PIK3R3: variants seen among roughly 807,000 people sequenced by gnomAD.
PIK3R3 encodes phosphoinositide-3-kinase regulatory subunit 3.
A neutral mutation model predicts 62.9 loss-of-function variants in PIK3R3; 64 were observed. The ratio of observed to expected loss-of-function variants is 1.02; its 90% CI spans 0.83 to 1.25. The LOEUF (loss-of-function observed/expected upper bound fraction) is 1.25, where lower values mean the gene tolerates loss of function less well. Among genes scored for constraint, PIK3R3 ranks in the 50% most tolerant of loss-of-function variants. PIK3R3 has a pLI of 0.00. For synonymous variants in PIK3R3, 165 were observed against 189.0 expected, an observed-to-expected ratio of 0.87 and a Z score of 1.04; for missense variants, 614 against 561.6, an observed-to-expected ratio of 1.09 and a Z score of -0.94.
the PIK3R3 span, among the ~76,000 whole-genome samples, chr1:46,173,015 GAAAC>G: frequency 9.2e-5 from 14 of 152,058 alleles, no homozygotes; most frequent in South Asian, 4.2e-4. Flanking sequence ...AAAGAAAAAA[GAAAC>G]AAACAAACAA....
the PIK3R3 span, among the ~76,000 whole-genome samples, chr1:46,143,809 G>T: frequency 3.3e-5 from 5 of 152,072 alleles, no homozygotes. Context: ...ATTTTTATGT[G>T]TTGGGAACAT....
the PIK3R3 span, among the ~76,000 whole-genome samples, chr1:46,156,458 CAAA>C: frequency 6.7e-5 from 4 of 59,756 alleles, no homozygotes; most frequent in African/African-American, 5.1e-5. Flanking sequence ...GACTCTGTCT[CAAA>C]AAAAAAAAAA....
chr1:46,090,596 G>A (rs1352187592), intron 1 of PIK3R3, among the ~76,000 whole-genome samples: 1 of 151,878 alleles, frequency 6.6e-6, no homozygotes, highest in South Asian at 2.1e-4. Flanking sequence ...GCCTCCCAAA[G>A]TATTGGGATT....
At position 46,062,004 on chromosome 1, in the gene PIK3R3, C is replaced by T; in HGVS notation, c.689G>A (p.Cys230Tyr). The change falls in exon 6 of 10, where the codon TGT becomes TAT. Residue 230 changes from cysteine (C) to tyrosine (Y), a missense_variant. By Grantham distance (194) the Cys-to-Tyr change is radical. Transcript: ENST00000262741. ...TTTGCTATGTTGTTCTTGTGTGTGACACTGCTCTTCAAATATTTTAATTGT... is the reference window on the plus strand; with the variant it reads ...TTTGCTATGTTGTTCTTGTGTGTGATACTGCTCTTCAAATATTTTAATTGT... ...NETIKIFEEQ[C>Y]HTQEQHSKEY... The T allele has an allele frequency of 6.2e-7, 1 of 1,611,118 alleles. No homozygotes were observed. The highest frequency in any genetic ancestry group is 8.5e-7 in the Non-Finnish European group (1 of 1,177,402).
At chr1:46,139,000 A>T in the PIK3R3 span, 2 of 152,184 alleles carry the variant, frequency 1.3e-5, no homozygotes, top group Non-Finnish European at 2.9e-5. Context: ...TGAAATTCTA[A>T]ATTATGTCAT....
At chr1:46,102,178 G>T (rs1387889745) in intron 1 of PIK3R3, among the ~76,000 whole-genome samples, 2 of 151,482 alleles carry the variant, frequency 1.3e-5, no homozygotes, top group African/African-American at 4.8e-5. Flanking sequence ...GTAGAGACGG[G>T]GTTTCACCGT....
chr1:46,115,326 G>A (rs1654092486), intron 1 of PIK3R3, among the ~76,000 whole-genome samples: 1 of 152,058 alleles, frequency 6.6e-6, no homozygotes, highest in Non-Finnish European at 1.5e-5. Flanking sequence ...AATTTGAGTT[G>A]CATTTTCTGT....
intron 1 of PIK3R3, among the ~76,000 whole-genome samples, chr1:46,088,115 T>G (rs1651266326): frequency 6.6e-6 from 1 of 152,236 alleles, no homozygotes; most frequent in African/African-American, 2.4e-5. Context: ...CTGAGTGTGA[T>G]GGCTCATGCC....
chr1:46,141,494 C>T, the PIK3R3 span, among the ~76,000 whole-genome samples: 2 of 152,068 alleles, frequency 1.3e-5, no homozygotes, highest in African/African-American at 4.8e-5. Flanking sequence ...TGGTCTTGAA[C>T]TCCTGACCTC....
At chr1:46,056,675 G>A (rs975657097) in intron 6 of PIK3R3, 3 of 152,200 alleles carry the variant, frequency 2.0e-5, no homozygotes, top group Admixed American at 1.3e-4. Flanking sequence ...TTATGAATAT[G>A]CAGTTCTCAT....
chr1:46,067,185 T>C (rs1571398856), intron 3 of PIK3R3, 94 bp from the exon 4 acceptor site: 2 of 909,236 alleles, frequency 2.2e-6, no homozygotes, highest in South Asian at 3.7e-5. Context: ...TGGTGTCACA[T>C]GATAAACAAG....
At chr1:46,110,866 G>T (rs1282699837) in intron 1 of PIK3R3, among the ~76,000 whole-genome samples, 2 of 121,688 alleles carry the variant, frequency 1.6e-5, no homozygotes, top group Non-Finnish European at 3.5e-5. Context: ...AACAGAAAAA[G>T]TTGGTTTTTT....
intron 6 of PIK3R3, among the ~76,000 whole-genome samples, chr1:46,059,458 C>T (rs1648259121): frequency 6.6e-6 from 1 of 152,232 alleles, no homozygotes; most frequent in Admixed American, 6.5e-5. Flanking sequence ...TTTTGCTATA[C>T]TCTGAACCCT....
At position 46,040,428 on chromosome 1, in the gene PIK3R3, A is replaced by G. The variant is rs1394515266; in HGVS notation, c.*3245T>C. ...ACGAATTTTCTTGGACACATCAAAG[A>G]CAACAGAATAGATTTTTCACAAGTA... On this transcript the variant is annotated 3_prime_UTR_variant, in exon 10 of 10. Coordinates refer to ENST00000262741, the MANE Select transcript of PIK3R3 (RefSeq NM_003629.4). 7.4e-5 allele frequency: 17 copies of G among 231,192 alleles called. No homozygotes were observed. Among genetic ancestry groups the G allele is most frequent in the East Asian group, 6.7e-4 (11 of 16,298 alleles). The allele number at this position is 231,192 out of a possible 1,614,324, so 14.3% of individuals were successfully genotyped here. A position where few individuals can be genotyped will look rare whatever the true frequency, so the allele number is the denominator to read the frequency against.
chr1:46,105,218 C>A (rs1653083718), intron 1 of PIK3R3: 2 of 435,288 alleles, frequency 4.6e-6, no homozygotes, highest in Non-Finnish European at 8.4e-6. Context: ...AAAAACAGCT[C>A]ATCAGCTGGG....
the PIK3R3 span, among the ~76,000 whole-genome samples, chr1:46,149,448 C>G: frequency 6.8e-6 from 1 of 146,924 alleles, no homozygotes; most frequent in Non-Finnish European, 1.5e-5. Flanking sequence ...AAAAAAGACA[C>G]TCCCAGCAGT....
chr1:46,071,220 T>TA lies in PIK3R3; in HGVS notation c.315-4130dup, dbSNP rs1156875081. ...GTCTCCTCCAACCCTAGTTATTCCC[T>TA]AAAAAAAAATTTTGCCTTCAGCCTC... On this transcript the variant is annotated intron_variant, in intron 3 of 9. Transcript: ENST00000262741. 2.6e-5 allele frequency among the ~76,000 whole-genome samples: 4 copies of TA among 151,542 alleles called. No homozygotes were observed. The East Asian group carries it at 5.8e-4, about 22-fold the overall frequency.
upstream of PIK3R3, among the ~76,000 whole-genome samples, chr1:46,133,279 C>T (rs753985501): frequency 6.6e-6 from 1 of 152,228 alleles, no homozygotes; most frequent in African/African-American, 2.4e-5. Context: ...GGCGAGCGCT[C>T]GGGGGCTCAA....
chr1:46,165,249 C>CCTCTGAT, the PIK3R3 span, among the ~76,000 whole-genome samples: 1 of 151,942 alleles, frequency 6.6e-6, no homozygotes, highest in Non-Finnish European at 1.5e-5. Context: ...TATTCAAACA[C>CCTCTGAT]CTCTGATGCC....
Sources: allele counts gnomAD v4.1 joint callset (sites outside exome capture counted in the v4.1 genomes callset), GRCh38; gene constraint gnomAD v4.1.1; transcripts MANE v1.5; gene names NCBI Gene and HGNC (gene_info 2026-07-23, HGNC 2026-07-21).